The following SGMS1 variants were observed in gnomAD, a reference collection of about 807,000 sequenced individuals.
The protein encoded by SGMS1 is sphingomyelin synthase 1.
In SGMS1, 13 loss-of-function variants were observed where a neutral mutation model predicts 46.2. That is an observed-to-expected ratio of 0.28 (90% confidence interval 0.18 to 0.45). SGMS1 has a LOEUF of 0.45. Ranked by LOEUF, SGMS1 falls within the 20% of genes least tolerant of loss-of-function variation. SGMS1 has a pLI of 1.00. For missense variants in SGMS1, 324 were observed against 519.9 expected, an observed-to-expected ratio of 0.62 and a Z score of 3.66; for synonymous variants, 203 against 187.8, an observed-to-expected ratio of 1.08 and a Z score of -0.66.
At chr10:50,526,733 G>A (rs564060655) in intron 2 of SGMS1, among the ~76,000 whole-genome samples, 1 of 152,148 alleles carries the variant, frequency 6.6e-6, no homozygotes, top group East Asian at 1.9e-4. Context: ...GGCAAGAGAG[G>A]GTGTTTAGGT....
chr10:50,393,748 G>T (rs1394077089), intron 6 of SGMS1, among the ~76,000 whole-genome samples: 1 of 152,150 alleles, frequency 6.6e-6, no homozygotes, highest in Non-Finnish European at 1.5e-5. Flanking sequence ...AAAGACAAAA[G>T]ATTTTCTTGG....
intron 6 of SGMS1, among the ~76,000 whole-genome samples, chr10:50,427,817 A>G (rs1051442678): frequency 6.6e-6 from 1 of 152,184 alleles, no homozygotes; most frequent in Non-Finnish European, 1.5e-5. Context: ...TTGACATGGG[A>G]TATGTTCTAC....
intron 5 of SGMS1, among the ~76,000 whole-genome samples, chr10:50,456,920 C>T (rs1413351327): frequency 6.6e-6 from 1 of 152,212 alleles, no homozygotes; most frequent in East Asian, 1.9e-4. Context: ...AGCGCTTGTA[C>T]TGGGAAACTT....
At chr10:50,330,483 C>CTAAATAAATAAA (rs1159846957) in intron 7 of SGMS1, among the ~76,000 whole-genome samples, 2 of 151,596 alleles carry the variant, frequency 1.3e-5, no homozygotes, top group Non-Finnish European at 2.9e-5. Context: ...AGACCTGTCC[C>CTAAATAAATAAA]TAAATAAATA....
At chr10:50,619,965 CTG>C (rs1361475757) in intron 1 of SGMS1, among the ~76,000 whole-genome samples, 1 of 152,202 alleles carries the variant, frequency 6.6e-6, no homozygotes. Flanking sequence ...GTGTGAGTCT[CTG>C]TGTCTGTGGA....
intron 8 of SGMS1, among the ~76,000 whole-genome samples, chr10:50,320,455 T>C (rs1387998172): frequency 2.6e-5 from 4 of 152,180 alleles, no homozygotes; most frequent in Non-Finnish European, 5.9e-5. Context: ...ACTACTTAAG[T>C]CTACTTCCCT....
chr10:50,413,107 A>T (rs1011852665), intron 6 of SGMS1, among the ~76,000 whole-genome samples: 6 of 152,228 alleles, frequency 3.9e-5, no homozygotes, highest in Non-Finnish European at 5.9e-5. Flanking sequence ...AATTTGAAAA[A>T]AAAAGTTATC....
At position 50,518,456 on chromosome 10, in the gene SGMS1, C is replaced by T. The variant is rs977080420; in HGVS notation, c.-498+1375G>A. ...TTTGTTTGTTTTTGAGATGGTGTTTCGCTCTTGTTGCCCAGGCTGGAGTGC... is the reference window on the plus strand; with the variant it reads ...TTTGTTTGTTTTTGAGATGGTGTTTTGCTCTTGTTGCCCAGGCTGGAGTGC... On this transcript the variant is annotated intron_variant, in intron 3 of 10. Transcript: ENST00000361781. Among the ~76,000 whole-genome samples the T allele has an allele frequency of 2.0e-5, 3 of 152,164 alleles. No individual in the cohort carries two copies. In the East Asian group the frequency reaches 5.8e-4, roughly 29 times the overall value.
At chr10:50,588,983 G>A (rs542015515) in intron 2 of SGMS1, among the ~76,000 whole-genome samples, 29 of 151,998 alleles carry the variant, frequency 1.9e-4, no homozygotes, top group South Asian at 8.3e-4. Context: ...CACCTGCCTC[G>A]GCCTCCCAAA....
intron 2 of SGMS1, among the ~76,000 whole-genome samples, chr10:50,525,076 C>T (rs1019516517): frequency 2.6e-5 from 4 of 152,080 alleles, no homozygotes; most frequent in African/African-American, 7.2e-5. Flanking sequence ...AATTTTCTTA[C>T]TAGGGATTAG....
intron 6 of SGMS1, among the ~76,000 whole-genome samples, chr10:50,373,658 C>T (rs951060874): frequency 4.6e-5 from 7 of 152,060 alleles, no homozygotes; most frequent in African/African-American, 1.2e-4. Flanking sequence ...AAGAACAAAA[C>T]GTCAGTCATA....
intron 7 of SGMS1, chr10:50,341,150 CT>C (rs1234173213): frequency 3.0e-6 from 1 of 330,414 alleles, no homozygotes; most frequent in Non-Finnish European, 6.0e-6. Flanking sequence ...ATAAACAAAA[CT>C]GCTATAATGC....
intron 3 of SGMS1, among the ~76,000 whole-genome samples, chr10:50,509,997 A>C (rs1421416071): frequency 6.6e-6 from 1 of 152,214 alleles, no homozygotes; most frequent in Non-Finnish European, 1.5e-5. Context: ...TCACCACCAC[A>C]ATCAAGATAT....
chr10:50,461,019 T>TA (rs1837257803), intron 4 of SGMS1, among the ~76,000 whole-genome samples: 1 of 152,152 alleles, frequency 6.6e-6, no homozygotes, highest in African/African-American at 2.4e-5. Flanking sequence ...AATTGTTGTA[T>TA]TTTTTACAGT....
intron 3 of SGMS1, among the ~76,000 whole-genome samples, chr10:50,515,864 T>A (rs1837797778): frequency 1.3e-5 from 2 of 152,246 alleles, no homozygotes; most frequent in African/African-American, 4.8e-5. Flanking sequence ...AATTTTCTGA[T>A]ATTTTTATTT....
At position 50,444,799 on chromosome 10, in the gene SGMS1, CG is replaced by C. The variant is rs1836987377; in HGVS notation, c.-312-11244del. Among the ~76,000 whole-genome samples, 3 of 152,026 alleles carry C rather than the reference CG, an allele frequency of 2.0e-5. No individual in the cohort carries two copies. The South Asian group carries it at 6.2e-4, about 32-fold the overall frequency. ...AAAACTATAAAGTATTTTAGGAAAA[CG>C]TAGAACAATGGCTTTGCAATGATGA... On this transcript the variant is annotated intron_variant, in intron 5 of 10. Transcript: ENST00000361781.
At position 50,406,517 on chromosome 10, in the gene SGMS1, G is replaced by A. The variant is rs1046578175; in HGVS notation, c.-232+26959C>T. Among the ~76,000 whole-genome samples the A allele has an allele frequency of 1.5e-4, 23 of 152,260 alleles. 1 individual carries two copies. The highest frequency in any genetic ancestry group is 5.9e-4 in the Admixed American group (9 of 15,300). ...CTCTGCCATGCAGTGAATCAAGGAC[G>A]TGTCCTCTCCAACAAGGTCTGGATC... is the stretch of plus-strand genomic sequence containing the variant. On this transcript the variant is annotated intron_variant, in intron 6 of 10. Transcript: ENST00000361781.
At chr10:50,562,697 CT>C (rs1401700102) in intron 2 of SGMS1, among the ~76,000 whole-genome samples, 2 of 152,184 alleles carry the variant, frequency 1.3e-5, no homozygotes, top group Non-Finnish European at 2.9e-5. Flanking sequence ...GCGCCCGCCC[CT>C]ATGCCCGGCT....
At chr10:50,375,624 G>C (rs754248408) in intron 6 of SGMS1, among the ~76,000 whole-genome samples, 41 of 152,202 alleles carry the variant, frequency 2.7e-4, no homozygotes, top group Admixed American at 6.5e-4. Flanking sequence ...AGAGGAGTCA[G>C]GTGGTATCAG....
Sources: allele counts gnomAD v4.1 joint callset (sites outside exome capture counted in the v4.1 genomes callset), GRCh38; gene constraint gnomAD v4.1.1; transcripts MANE v1.5; gene names NCBI Gene and HGNC (gene_info 2026-07-23, HGNC 2026-07-21).